Variants in CACNA2D1 observed in about 807,000 individuals in gnomAD.
CACNA2D1 encodes voltage-dependent calcium channel subunit alpha-2/delta-1.
In CACNA2D1, 53 loss-of-function variants were observed where a neutral mutation model predicts 171.5. The observed-to-expected ratio is 0.31, with a 90% CI of 0.25 to 0.39. The LOEUF is 0.39. Ranked by LOEUF, CACNA2D1 falls within the 10% of genes least tolerant of loss-of-function variation. The pLI is 1.00. For synonymous variants in CACNA2D1, 442 were observed against 443.1 expected, an observed-to-expected ratio of 1.00 and a Z score of 0.03; for missense variants, 903 against 1,299.8, an observed-to-expected ratio of 0.69 and a Z score of 4.69.
intron 1 of CACNA2D1, among the ~76,000 whole-genome samples, chr7:82,406,525 C>T (rs532063012): frequency 2.6e-3 from 396 of 152,290 alleles, no homozygotes; most frequent in African/African-American, 9.1e-3. Context: ...CAAAAGTGTT[C>T]CTATTTCTCC....
At chr7:82,018,086 G>A (rs1800727439) in intron 12 of CACNA2D1, among the ~76,000 whole-genome samples, 1 of 152,068 alleles carries the variant, frequency 6.6e-6, no homozygotes, top group African/African-American at 2.4e-5. Flanking sequence ...CTTTCAAAAT[G>A]TTTGCTTCTA....
In CACNA2D1 at chr7:82,396,492, T is replaced by C. The variant is rs1352560028; in HGVS notation, c.96-46843A>G. ...TCTTAAATCACCTAAGGTTTCTTAA[T>C]ACTAGTATCTGTCAAGGTTAATTCA... On this transcript the variant is annotated intron_variant, in intron 1 of 38. Coordinates refer to ENST00000356860, the MANE Select transcript of CACNA2D1 (RefSeq NM_000722.4). 4.6e-5 allele frequency among the ~76,000 whole-genome samples: 7 copies of C among 152,210 alleles called. No homozygotes were observed. In the East Asian group the frequency reaches 1.3e-3, roughly 29 times the overall value.
chr7:81,950,269 T>C lies in CACNA2D1; in HGVS notation c.*123A>G, dbSNP rs910562402. The stretch of plus-strand genomic sequence containing the variant: ...GAGTCTGCGCCTTAGTGTTATGCCA[T>C]GGAACAGGCCCAGCTAATGTTTGTC... On this transcript the variant is annotated 3_prime_UTR_variant, in exon 39 of 39. Transcript: ENST00000356860. The C allele has an allele frequency of 1.7e-5, 27 of 1,584,644 alleles. No homozygotes were observed. The highest frequency in any genetic ancestry group is 2.2e-5 in the Non-Finnish European group (26 of 1,160,312).
intron 1 of CACNA2D1, among the ~76,000 whole-genome samples, chr7:82,369,533 A>G (rs140698513): frequency 1.3e-5 from 2 of 152,122 alleles, no homozygotes; most frequent in East Asian, 3.9e-4. Flanking sequence ...GTGTATATTC[A>G]TTACATCACA....
At chr7:81,985,959 T>C (rs1292488733) in intron 21 of CACNA2D1, among the ~76,000 whole-genome samples, 1 of 152,202 alleles carries the variant, frequency 6.6e-6, no homozygotes. Context: ...ATCTTACTTA[T>C]TTTGAAATTG....
chr7:82,011,596 T>C (rs564573905), intron 15 of CACNA2D1, among the ~76,000 whole-genome samples: 2 of 152,300 alleles, frequency 1.3e-5, no homozygotes, highest in South Asian at 2.1e-4. Flanking sequence ...CGTATTTCCA[T>C]AAAAAGTATG....
intron 21 of CACNA2D1, among the ~76,000 whole-genome samples, chr7:81,987,666 T>C (rs1198927431): frequency 6.6e-6 from 1 of 152,214 alleles, no homozygotes; most frequent in Non-Finnish European, 1.5e-5. Flanking sequence ...TCTAAATTGC[T>C]CTTTGTGAAT....
intron 7 of CACNA2D1, among the ~76,000 whole-genome samples, chr7:82,068,882 T>A (rs960439046): frequency 6.6e-6 from 1 of 152,134 alleles, no homozygotes; most frequent in East Asian, 1.9e-4. Flanking sequence ...CTATATTCCA[T>A]AAAATGTATA....
At chr7:82,264,000 C>T (rs756089841) in intron 3 of CACNA2D1, among the ~76,000 whole-genome samples, 8 of 152,060 alleles carry the variant, frequency 5.3e-5, no homozygotes, top group Non-Finnish European at 7.4e-5. Flanking sequence ...TAGGCCGTCA[C>T]CGTTTTTAAA....
chr7:82,400,133 T>C (rs1014204719), intron 1 of CACNA2D1, among the ~76,000 whole-genome samples: 3 of 150,366 alleles, frequency 2.0e-5, no homozygotes, highest in African/African-American at 7.4e-5. Flanking sequence ...AGTCAGGTAG[T>C]GTGATGCCTC....
At position 82,192,945 on chromosome 7, in the gene CACNA2D1, C is replaced by A. The variant is rs370243554; in HGVS notation, c.295-22336G>T. ...GTTAATGATATTTTAGTCATAATTT[C>A]TTTAAAACAAAAAGTTATTTTATGA... On this transcript the variant is annotated intron_variant, in intron 3 of 38. Coordinates refer to ENST00000356860, the MANE Select transcript of CACNA2D1 (RefSeq NM_000722.4). 3.3e-5 allele frequency among the ~76,000 whole-genome samples: 5 copies of A among 151,940 alleles called. No homozygotes were observed. In the East Asian group the frequency reaches 7.7e-4, roughly 23 times the overall value.
intron 1 of CACNA2D1, among the ~76,000 whole-genome samples, chr7:82,380,521 GAC>G (rs1041372402): frequency 5.3e-5 from 8 of 152,062 alleles, no homozygotes; most frequent in Non-Finnish European, 8.8e-5. Context: ...TTTTTATAGA[GAC>G]AGGCGGCAAG....
intron 1 of CACNA2D1, among the ~76,000 whole-genome samples, chr7:82,380,227 AAATT>A (rs1486176690): frequency 6.6e-6 from 1 of 152,228 alleles, no homozygotes; most frequent in African/African-American, 2.4e-5. Flanking sequence ...TAAAGTAGGA[AAATT>A]AGTTTTGTGA....
chr7:82,062,099 T>G (rs2128977462), intron 9 of CACNA2D1, among the ~76,000 whole-genome samples: 1 of 152,314 alleles, frequency 6.6e-6, no homozygotes, highest in South Asian at 2.1e-4. Context: ...TTCATTAGTT[T>G]TATAAGGGCA....
chr7:82,287,905 T>C (rs1342387914), intron 3 of CACNA2D1, among the ~76,000 whole-genome samples: 1 of 151,682 alleles, frequency 6.6e-6, no homozygotes, highest in Non-Finnish European at 1.5e-5. Flanking sequence ...AGTGGTGCGA[T>C]CTGCAAGCTC....
chr7:81,999,044 T>TA (rs1434887810), intron 18 of CACNA2D1, among the ~76,000 whole-genome samples: 1 of 151,892 alleles, frequency 6.6e-6, no homozygotes, highest in African/African-American at 2.4e-5. Context: ...ATGAAAATAA[T>TA]AAAAAGTAAA....
chr7:82,424,252 G>T (rs1189832297), intron 1 of CACNA2D1, among the ~76,000 whole-genome samples: 4 of 152,258 alleles, frequency 2.6e-5, no homozygotes, highest in East Asian at 3.9e-4. Flanking sequence ...TGCACAGGCT[G>T]AGCAGGGAAG....
At chr7:82,369,790 T>C (rs955742653) in intron 1 of CACNA2D1, among the ~76,000 whole-genome samples, 1 of 152,050 alleles carries the variant, frequency 6.6e-6, no homozygotes, top group African/African-American at 2.4e-5. Context: ...TTAAATAACT[T>C]CTCTGAGTCT....
intron 26 of CACNA2D1, 45 bp from the exon 27 acceptor site, chr7:81,970,782 C>G: frequency 8.4e-7 from 1 of 1,190,100 alleles, no homozygotes; most frequent in East Asian, 2.3e-5. Flanking sequence ...TGAACATATT[C>G]TAAAAAACAA....
Sources: allele counts gnomAD v4.1 joint callset (sites outside exome capture counted in the v4.1 genomes callset), GRCh38; gene constraint gnomAD v4.1.1; transcripts MANE v1.5; gene names NCBI Gene and HGNC (gene_info 2026-07-23, HGNC 2026-07-21).